Variants in CYRIB observed in about 807,000 individuals in gnomAD.
The protein encoded by CYRIB is CYFIP related Rac1 interactor B.
CYRIB carries 8 observed loss-of-function variants against 44.2 expected under a neutral mutation model. The ratio of observed to expected loss-of-function variants is 0.18; its 90% CI spans 0.11 to 0.33. CYRIB has a LOEUF of 0.33. Among genes scored for constraint, CYRIB ranks in the 10% least tolerant of loss-of-function variants. The pLI is 1.00. For synonymous variants in CYRIB, 131 were observed against 127.2 expected (o/e 1.03, Z -0.20); for missense variants, 185 against 382.8 (o/e 0.48, Z 4.31).
intron 1 of CYRIB, among the ~76,000 whole-genome samples, chr8:129,926,939 G>C (rs368531288): frequency 6.6e-6 from 1 of 152,158 alleles, no homozygotes; most frequent in African/African-American, 2.4e-5. Context: ...AATTAATTTT[G>C]TTGTAAGTTC....
chr8:129,842,092 C>A, exon 12 of CYRIB: 2 of 1,335,682 alleles, frequency 1.5e-6, no homozygotes, highest in South Asian at 2.5e-5. Context: ...CATTCTCAGT[C>A]ATTGCAGAAT....
chr8:129,861,324 G>A (rs2049405873), intron 5 of CYRIB, among the ~76,000 whole-genome samples: 3 of 152,164 alleles, frequency 2.0e-5, no homozygotes, highest in African/African-American at 7.2e-5. Context: ...TCATATTGAA[G>A]ACACAATTCT....
chr8:129,908,303 A>G (rs920103708), intron 1 of CYRIB, among the ~76,000 whole-genome samples: 1 of 152,186 alleles, frequency 6.6e-6, no homozygotes, highest in Non-Finnish European at 1.5e-5. Flanking sequence ...AGAAAAAAAT[A>G]AACGATAATT....
chr8:129,961,827 GC>G (rs760642315), intron 2 of CYRIB, among the ~76,000 whole-genome samples: 1 of 152,196 alleles, frequency 6.6e-6, no homozygotes, highest in Non-Finnish European at 1.5e-5. Context: ...AATGCAAGGG[GC>G]TTCTGAAACT....
At chr8:130,003,563 C>G (rs555997798) in intron 1 of CYRIB, among the ~76,000 whole-genome samples, 1 of 152,322 alleles carries the variant, frequency 6.6e-6, no homozygotes, top group Non-Finnish European at 1.5e-5. Context: ...CTTTTCAGCT[C>G]TGCCCTGCTG....
At position 129,899,391 on chromosome 8, in the gene CYRIB, C is replaced by T. The variant is rs2135534752; in HGVS notation, c.-11+3921G>A. On this transcript the variant is annotated intron_variant, in intron 2 of 11. Transcript: ENST00000519824. ...GGAAGAAACCTATGTTTTCTTAATA[C>T]TGTGGAATAAGCTAATTGTAAATGA... 2.0e-5 allele frequency among the ~76,000 whole-genome samples: 3 copies of T among 152,258 alleles called. No individual in the cohort carries two copies. In the Middle Eastern group the frequency reaches 0.01, roughly 518 times the overall value.
rs1366015517 is a variant in CYRIB, at chr8:129,992,100, T to C, written c.-295-21105A>G. Among the ~76,000 whole-genome samples, 5 of 150,980 alleles carry C rather than the reference T, an allele frequency of 3.3e-5. No homozygotes were observed. In the South Asian group the frequency reaches 1.0e-3, roughly 32 times the overall value. On this transcript the variant is annotated intron_variant, in intron 1 of 14. Coordinates refer to the CYRIB transcript ENST00000401979. ...GGAGGCCTGGCTGAGGCATGCAGAGTGCTTAAGCCAAGGAGTTTGAGACCA... is the reference window on the plus strand; with the variant it reads ...GGAGGCCTGGCTGAGGCATGCAGAGCGCTTAAGCCAAGGAGTTTGAGACCA...
intron 1 of CYRIB, among the ~76,000 whole-genome samples, chr8:130,001,124 C>A (rs2096897443): frequency 6.6e-6 from 1 of 152,144 alleles, no homozygotes; most frequent in African/African-American, 2.4e-5. Context: ...ATTTGCAATC[C>A]CATAAACGGT....
chr8:129,982,247 T>C (rs867875298), intron 1 of CYRIB, among the ~76,000 whole-genome samples: 19 of 152,258 alleles, frequency 1.2e-4, no homozygotes, highest in Middle Eastern at 3.4e-3. Flanking sequence ...TGCCATGCAG[T>C]CCCTCCAGCT....
At chr8:129,960,510 G>A (rs1388256464) in intron 2 of CYRIB, among the ~76,000 whole-genome samples, 1 of 151,760 alleles carries the variant, frequency 6.6e-6, no homozygotes, top group Non-Finnish European at 1.5e-5. Context: ...CAGGAGAATA[G>A]GATAATCGCT....
At chr8:129,859,336 C>T (rs1349317245) in intron 5 of CYRIB, among the ~76,000 whole-genome samples, 6 of 152,146 alleles carry the variant, frequency 3.9e-5, no homozygotes, top group South Asian at 2.1e-4. Flanking sequence ...AACATAAAGG[C>T]GGACTAGGAG....
intron 1 of CYRIB, among the ~76,000 whole-genome samples, chr8:129,997,119 A>AAGGAGGAGGAGGAGGAGG (rs138647640): frequency 4.2e-4 from 38 of 89,930 alleles, no homozygotes; most frequent in African/African-American, 3.1e-3. Flanking sequence ...GGAAGGAAGG[A>AAGGAGGAGGAGGAGGAGG]AGGAGGAGGA....
intron 4 of CYRIB, 49 bp downstream of exon 6, chr8:129,871,326 G>A: frequency 6.4e-7 from 1 of 1,570,164 alleles, no homozygotes; most frequent in Non-Finnish European, 8.6e-7. Context: ...TTACAAAGAG[G>A]TGGGACAGTA....
At chr8:129,949,076 A>G (rs1452168969) in intron 2 of CYRIB, 1 of 152,134 alleles carries the variant, frequency 6.6e-6, no homozygotes, top group African/African-American at 2.4e-5. Context: ...CCCTGTCTCA[A>G]AAGAAAAGAA....
At chr8:129,981,109 A>G (rs1163054729) in intron 1 of CYRIB, among the ~76,000 whole-genome samples, 1 of 152,190 alleles carries the variant, frequency 6.6e-6, no homozygotes, top group Non-Finnish European at 1.5e-5. Flanking sequence ...ATACCATCTC[A>G]GTTAAACTGA....
intron 1 of CYRIB, among the ~76,000 whole-genome samples, chr8:129,924,980 C>T (rs1326735662): frequency 2.6e-5 from 4 of 152,154 alleles, no homozygotes; most frequent in Admixed American, 1.3e-4. Context: ...AGTTTCTCTG[C>T]TTTCCCAGCT....
rs5895011 is a variant in CYRIB at position 129,877,663 on chromosome 8, G to GGT, written c.73+1724_73+1725dup. Among the ~76,000 whole-genome samples the GGT allele has an allele frequency of 3.5e-3, 458 of 130,648 alleles. 5 individuals carry two copies. The highest frequency in any genetic ancestry group is 4.0e-3 in the Non-Finnish European group (255 of 64,366). 85.7% of individuals were successfully genotyped at this position (130,648 alleles called of 152,430 possible). A position where few individuals can be genotyped will look rare whatever the true frequency, so the allele number is the denominator to read the frequency against. ...GACCTCATATCAAAAAAAAAAAAAA[G>GGT]GTGTGTGTGTGTGTGTGTGTGTGTG... is the stretch of plus-strand genomic sequence containing the variant. On this transcript the variant is annotated intron_variant, in intron 3 of 11. Transcript: ENST00000519824.
chr8:129,969,741 T>C (rs537142443), intron 2 of CYRIB, among the ~76,000 whole-genome samples: 2 of 152,212 alleles, frequency 1.3e-5, no homozygotes, highest in African/African-American at 2.4e-5. Context: ...TGTTGTGTGA[T>C]AATTAAAATC....
At position 129,883,364 on chromosome 8, in the gene CYRIB, C is replaced by T. The variant is rs145078630; in HGVS notation, c.-10-3893G>A. ...AATATCTCCTGGGGGCAAAATCACC[C>T]GACTGAGAATCACTACAACTGTTGT... On this transcript the variant is annotated intron_variant, in intron 2 of 11. Transcript: ENST00000519824. Among the ~76,000 whole-genome samples, 76 of 152,040 alleles carry T rather than the reference C, an allele frequency of 5.0e-4. No individual in the cohort carries two copies. The South Asian group carries it at 0.01, about 20-fold the overall frequency.
Sources: allele counts gnomAD v4.1 joint callset (sites outside exome capture counted in the v4.1 genomes callset), GRCh38; gene constraint gnomAD v4.1.1; transcripts MANE v1.5; gene names NCBI Gene and HGNC (gene_info 2026-07-23, HGNC 2026-07-21).